Variants in TRIM2 observed in about 807,000 individuals in gnomAD.
TRIM2 encodes the protein tripartite motif-containing protein 2.
TRIM2 carries 20 observed loss-of-function variants against 75.2 expected under a neutral mutation model. That is an observed-to-expected ratio of 0.27 (90% CI 0.19 to 0.39). TRIM2 has a LOEUF of 0.39. Ranked by LOEUF, TRIM2 falls within the 10% of genes least tolerant of loss-of-function variation. The pLI is 1.00. For synonymous variants in TRIM2, 373 were observed against 388.3 expected, an observed-to-expected ratio of 0.96 and a Z score of 0.46; for missense variants, 660 against 990.8, an observed-to-expected ratio of 0.67 and a Z score of 4.48.
rs762952620 is a variant in TRIM2 at position 153,315,948 on chromosome 4, C to T, written c.1731C>T (p.Ala577=). The change falls in exon 8 of 12, where the codon GCC becomes GCT. Residue 577 remains alanine, a synonymous_variant. Transcript: ENST00000338700. ...ATCCCAGTGGGGACATAATCATTGC[C>T]GATTATGATAATAAATGGGTCAGCA... ...AVHPSGDIII[A]DYDNKWVSIF... is the part of the protein sequence containing the mutation. 17 of 1,601,196 alleles carry T rather than the reference C, an allele frequency of 1.1e-5. No homozygotes were observed. Among genetic ancestry groups the T allele is most frequent in the African/African-American group, 1.3e-5 (1 of 74,360 alleles).
intron 3 of TRIM2, among the ~76,000 whole-genome samples, chr4:153,285,756 T>TGC (rs139935389): frequency 0.11 from 15,747 of 141,534 alleles, 833 homozygotes; most frequent in Middle Eastern, 0.14. Flanking sequence ...TGTGAATGTG[T>TGC]GTGCGTGTGT....
At chr4:153,232,434 G>T (rs899377143) in intron 1 of TRIM2, among the ~76,000 whole-genome samples, 1 of 152,220 alleles carries the variant, frequency 6.6e-6, no homozygotes, top group African/African-American at 2.4e-5. Flanking sequence ...GGGAGGCAGA[G>T]GTTGCAGTGA....
At chr4:153,210,042 C>T (rs1381693263) in intron 1 of TRIM2, among the ~76,000 whole-genome samples, 2 of 151,516 alleles carry the variant, frequency 1.3e-5, no homozygotes, top group East Asian at 3.9e-4. Flanking sequence ...TCCTAGTTGC[C>T]ACATTGGGTG....
chr4:153,309,263 T>G (rs969113241), intron 6 of TRIM2, among the ~76,000 whole-genome samples: 1 of 152,172 alleles, frequency 6.6e-6, no homozygotes, highest in Non-Finnish European at 1.5e-5. Context: ...AAAAGTGTTA[T>G]GTAAAGGATC....
chr4:153,285,713 A>G (rs1479203086), intron 3 of TRIM2, among the ~76,000 whole-genome samples: 1 of 151,998 alleles, frequency 6.6e-6, no homozygotes, highest in East Asian at 1.9e-4. Flanking sequence ...TGTATCCTGC[A>G]ACTTTGCTGA....
chr4:153,305,652 C>T (rs1025245763), intron 6 of TRIM2, among the ~76,000 whole-genome samples: 2 of 152,140 alleles, frequency 1.3e-5, no homozygotes, highest in Non-Finnish European at 2.9e-5. Context: ...CAAAAGAGAC[C>T]ACAAGAACAA....
At chr4:153,218,155 A>T (rs900984705) in intron 1 of TRIM2, among the ~76,000 whole-genome samples, 1 of 152,228 alleles carries the variant, frequency 6.6e-6, no homozygotes, top group Non-Finnish European at 1.5e-5. Flanking sequence ...ATTCAATTGT[A>T]AATATTTATT....
chr4:153,328,818 G>A, intron 11 of TRIM2, 148 bp downstream of exon 11: 5 of 860,398 alleles, frequency 5.8e-6, no homozygotes, highest in Non-Finnish European at 8.1e-6. Context: ...ACCAAACTCA[G>A]CAAGATGGAG....
At chr4:153,282,712 G>T (rs1378603443) in intron 3 of TRIM2, among the ~76,000 whole-genome samples, 2 of 151,956 alleles carry the variant, frequency 1.3e-5, no homozygotes, top group African/African-American at 4.8e-5. Flanking sequence ...TTCCCAGAGT[G>T]CTGGGATTAC....
At chr4:153,203,891 CAATAAATA>C (rs56292904), upstream of TRIM2, among the ~76,000 whole-genome samples, 64 of 151,100 alleles carry the variant, frequency 4.2e-4, no homozygotes, top group Non-Finnish European at 7.8e-4. Context: ...GACTCCATCT[CAATAAATA>C]AATAAATAAA....
chr4:153,286,993 T>C (rs1760790115), intron 3 of TRIM2, among the ~76,000 whole-genome samples: 2 of 152,142 alleles, frequency 1.3e-5, no homozygotes, highest in Admixed American at 1.3e-4. Context: ...CTCTCTCTTT[T>C]TTTAAGAGAT....
chr4:153,165,147 C>T (rs369797730), intron 1 of TRIM2, among the ~76,000 whole-genome samples: 7 of 152,190 alleles, frequency 4.6e-5, no homozygotes, highest in Admixed American at 6.5e-5. Flanking sequence ...GTTTTATTTC[C>T]GCCCCAAGAT....
chr4:153,162,095 A>T (rs559014779), intron 1 of TRIM2, among the ~76,000 whole-genome samples: 2 of 152,328 alleles, frequency 1.3e-5, no homozygotes, highest in South Asian at 4.1e-4. Flanking sequence ...TAAGGACTGT[A>T]GTTTTAACTC....
intron 11 of TRIM2, among the ~76,000 whole-genome samples, chr4:153,329,815 C>A (rs1771063010): frequency 6.7e-6 from 1 of 149,684 alleles, no homozygotes; most frequent in Non-Finnish European, 1.5e-5. Flanking sequence ...CCAGCCTGGG[C>A]AACAGAAGGA....
At position 153,244,414 on chromosome 4, in the gene TRIM2, C is replaced by T. The variant is rs1245778204; in HGVS notation, c.31-25921C>T. 1.6e-4 allele frequency among the ~76,000 whole-genome samples: 16 copies of T among 97,446 alleles called. 2 individuals carry two copies. Among genetic ancestry groups the T allele is most frequent in the African/African-American group, 4.7e-4 (9 of 19,162 alleles). 63.9% of individuals were successfully genotyped at this position (97,446 alleles called of 152,430 possible). A position where few individuals can be genotyped will look rare whatever the true frequency, so the allele number is the denominator to read the frequency against. On this transcript the variant is annotated intron_variant, in intron 1 of 11. Transcript: ENST00000338700. ...TCTTCTTCTTCTTCTTCTTCTTCTTCTTCTTCTTCTTCTTCTTCTTCTTTT... is the reference window on the plus strand; with the variant it reads ...TCTTCTTCTTCTTCTTCTTCTTCTTTTTCTTCTTCTTCTTCTTCTTCTTTT...
chr4:153,310,630 GGTAGA>G (rs1197547954), intron 6 of TRIM2, among the ~76,000 whole-genome samples: 1 of 152,092 alleles, frequency 6.6e-6, no homozygotes, highest in Non-Finnish European at 1.5e-5. Context: ...TGTGCTTTCA[GGTAGA>G]GTTTAAAAAA....
chr4:153,247,521 C>T (rs1560881040), intron 1 of TRIM2, among the ~76,000 whole-genome samples: 2 of 151,850 alleles, frequency 1.3e-5, no homozygotes, highest in Admixed American at 6.6e-5. Flanking sequence ...ACTAAAAATA[C>T]AAAAAAATTA....
Position 153,294,357 on chromosome 4 carries a change from T to C in TRIM2, c.658T>C (p.Leu220=). The change falls in exon 5 of 12, where the codon TTA becomes CTA. Residue 220 remains leucine, a synonymous_variant. Transcript: ENST00000338700. ...LQFISEIIHQ[L]TNQKASIVDD... ...GTTCATCTCTGAAATCATTCATCAG[T>C]TAACCAACCAAAAGGCCAGCATCGT... 6.2e-7 allele frequency: 1 copy of C among 1,614,174 alleles called. No homozygotes were observed. Among genetic ancestry groups the C allele is most frequent in the East Asian group, 2.2e-5 (1 of 44,880 alleles).
intron 1 of TRIM2, among the ~76,000 whole-genome samples, chr4:153,208,195 G>C (rs1374243115): frequency 6.6e-6 from 1 of 152,128 alleles, no homozygotes; most frequent in African/African-American, 2.4e-5. Context: ...CTACTCAGGA[G>C]GCTGAGGCGG....
Sources: allele counts gnomAD v4.1 joint callset (sites outside exome capture counted in the v4.1 genomes callset), GRCh38; gene constraint gnomAD v4.1.1; transcripts MANE v1.5; gene names NCBI Gene and HGNC (gene_info 2026-07-23, HGNC 2026-07-21).